ANKRD6: variants seen among roughly 807,000 people sequenced by gnomAD.
ANKRD6 encodes ankyrin repeat domain-containing protein 6.
In ANKRD6, 56 loss-of-function variants were observed where a neutral mutation model predicts 82.3. The ratio of observed to expected loss-of-function variants is 0.68; its 90% confidence interval spans 0.55 to 0.85. The LOEUF (loss-of-function observed/expected upper bound fraction) is 0.85, where lower values mean the gene tolerates loss of function less well. ANKRD6 is among the 40% of genes least tolerant of loss of function. The probability of loss-of-function intolerance (pLI) is 0.00; values close to 1 mark genes in which losing one functional copy is unlikely to be tolerated. For missense variants in ANKRD6, 852 were observed against 907.6 expected, an observed-to-expected ratio of 0.94 and a Z score of 0.79; for synonymous variants, 347 against 352.1, an observed-to-expected ratio of 0.99 and a Z score of 0.16.
intron 1 of ANKRD6, among the ~76,000 whole-genome samples, chr6:89,446,330 C>T (rs757507100): frequency 6.6e-6 from 1 of 151,832 alleles, no homozygotes; most frequent in Non-Finnish European, 1.5e-5. Context: ...CCAGCCTGGG[C>T]AACAAGGGCG....
intron 1 of ANKRD6, among the ~76,000 whole-genome samples, chr6:89,486,579 A>G (rs1397215838): frequency 1.3e-5 from 2 of 152,186 alleles, no homozygotes; most frequent in East Asian, 3.8e-4. Flanking sequence ...GAGCTGGGAC[A>G]TTTGAGATCA....
rs560877591 is a variant in ANKRD6 at position 89,522,676 on chromosome 6, T to C, written c.-143-44158T>C. Among the ~76,000 whole-genome samples the C allele has an allele frequency of 7.2e-5, 11 of 152,344 alleles. No individual in the cohort carries two copies. The East Asian group carries it at 2.1e-3, about 29-fold the overall frequency. On this transcript the variant is annotated intron_variant, in intron 1 of 15. Coordinates refer to ENST00000339746, the MANE Select transcript of ANKRD6 (RefSeq NM_001242809.2). ...GCTTCCTGGGTCAGCAGTTTACACC[T>C]GTGGCTTGGGAAGTTTTTCTAGGGC... is the stretch of plus-strand genomic sequence containing the variant.
chr6:89,488,380 T>C (rs1440277694), intron 1 of ANKRD6, among the ~76,000 whole-genome samples: 1 of 152,088 alleles, frequency 6.6e-6, no homozygotes, highest in Non-Finnish European at 1.5e-5. Context: ...AGCCCCAGAG[T>C]TTGAGGCTGC....
At chr6:89,484,999 G>A (rs1235155215) in intron 1 of ANKRD6, among the ~76,000 whole-genome samples, 1 of 152,194 alleles carries the variant, frequency 6.6e-6, no homozygotes, top group Admixed American at 6.5e-5. Flanking sequence ...CCTTGGAAAT[G>A]TTGAGTGGGA....
chr6:89,449,011 C>T (rs1180736906), intron 1 of ANKRD6, among the ~76,000 whole-genome samples: 1 of 121,550 alleles, frequency 8.2e-6, no homozygotes, highest in African/African-American at 3.3e-5. Context: ...ACCTGGGAGA[C>T]ACAGCGAGAC....
chr6:89,603,162 C>T, intron 4 of ANKRD6, 35 bp downstream of exon 4: 1 of 1,561,422 alleles, frequency 6.4e-7, no homozygotes, highest in East Asian at 2.4e-5. Flanking sequence ...CTCCCCAAGG[C>T]AAGGGAAGCC....
At chr6:89,612,023 TTTAG>T (rs1800363338) in intron 5 of ANKRD6, among the ~76,000 whole-genome samples, 1 of 152,214 alleles carries the variant, frequency 6.6e-6, no homozygotes, top group African/African-American at 2.4e-5. Context: ...AAGGCTGGCT[TTTAG>T]TTAGTAAGTT....
intron 1 of ANKRD6, among the ~76,000 whole-genome samples, chr6:89,455,747 T>C (rs375481376): frequency 5.9e-5 from 9 of 152,338 alleles, no homozygotes; most frequent in Admixed American, 3.3e-4. Flanking sequence ...CCTTCTGCTA[T>C]AATTGTAAGT....
chr6:89,475,477 T>C (rs1247207611), intron 1 of ANKRD6, among the ~76,000 whole-genome samples: 1 of 152,230 alleles, frequency 6.6e-6, no homozygotes, highest in African/African-American at 2.4e-5. Context: ...ATGAATATGA[T>C]TGGAACATGC....
At chr6:89,497,350 T>C (rs1437739176) in intron 1 of ANKRD6, among the ~76,000 whole-genome samples, 1 of 152,218 alleles carries the variant, frequency 6.6e-6, no homozygotes, top group Non-Finnish European at 1.5e-5. Flanking sequence ...ACTGTTATCC[T>C]CCTTGTCCTG....
intron 2 of ANKRD6, among the ~76,000 whole-genome samples, chr6:89,589,551 G>A (rs1040126495): frequency 3.9e-4 from 59 of 152,310 alleles, no homozygotes; most frequent in African/African-American, 1.4e-3. Flanking sequence ...TTATCTTAAC[G>A]GGAATTCTTC....
chr6:89,548,450 G>A (rs1258523783), intron 1 of ANKRD6, among the ~76,000 whole-genome samples: 1 of 152,114 alleles, frequency 6.6e-6, no homozygotes, highest in African/African-American at 2.4e-5. Context: ...CATTTGAGTT[G>A]TTTCTACTTT....
chr6:89,584,649 A>G (rs1687019275), intron 2 of ANKRD6, among the ~76,000 whole-genome samples: 1 of 152,194 alleles, frequency 6.6e-6, no homozygotes, highest in African/African-American at 2.4e-5. Flanking sequence ...AGCAATGTGT[A>G]AGAATTATAA....
At chr6:89,564,830 A>G (rs1024747039) in intron 1 of ANKRD6, among the ~76,000 whole-genome samples, 2 of 151,968 alleles carry the variant, frequency 1.3e-5, no homozygotes, top group African/African-American at 2.4e-5. Flanking sequence ...CGTTGGGTCT[A>G]GTGTCTAGAG....
chr6:89,480,366 C>CA (rs1264442807), intron 1 of ANKRD6, among the ~76,000 whole-genome samples: 1 of 152,082 alleles, frequency 6.6e-6, no homozygotes. Flanking sequence ...AATAGGGGCG[C>CA]ATGAAGGAGC....
At chr6:89,548,772 A>G (rs1047362102) in intron 1 of ANKRD6, among the ~76,000 whole-genome samples, 2 of 152,244 alleles carry the variant, frequency 1.3e-5, no homozygotes, top group Non-Finnish European at 2.9e-5. Flanking sequence ...AGTGGCGACC[A>G]GTGTTAGCAA....
intron 1 of ANKRD6, among the ~76,000 whole-genome samples, chr6:89,542,229 C>T (rs1434808948): frequency 6.6e-6 from 1 of 152,138 alleles, no homozygotes; most frequent in Non-Finnish European, 1.5e-5. Flanking sequence ...CTGAAAGCTT[C>T]GTCAGAGTTG....
intron 5 of ANKRD6, among the ~76,000 whole-genome samples, chr6:89,611,889 C>G (rs1203356937): frequency 6.6e-6 from 1 of 152,210 alleles, no homozygotes; most frequent in Non-Finnish European, 1.5e-5. Flanking sequence ...GAATTGAGTA[C>G]TGTGCATGTG....
At chr6:89,585,482 G>A (rs914399731) in intron 2 of ANKRD6, among the ~76,000 whole-genome samples, 1 of 152,182 alleles carries the variant, frequency 6.6e-6, no homozygotes, top group African/African-American at 2.4e-5. Context: ...TGTTAAAATG[G>A]TAGATTTTAT....
Sources: allele counts gnomAD v4.1 joint callset (sites outside exome capture counted in the v4.1 genomes callset), GRCh38; gene constraint gnomAD v4.1.1; transcripts MANE v1.5; gene names NCBI Gene and HGNC (gene_info 2026-07-23, HGNC 2026-07-21).